Variants in WDPCP observed in about 807,000 individuals in gnomAD.
WDPCP encodes WD repeat containing planar cell polarity effector.
In WDPCP, 71 loss-of-function variants were observed where a neutral mutation model predicts 93.1. The observed-to-expected ratio is 0.76, with a 90% confidence interval of 0.63 to 0.93. The LOEUF (loss-of-function observed/expected upper bound fraction) is 0.93, where lower values mean the gene tolerates loss of function less well. Ranked by LOEUF, WDPCP falls within the 40% of genes least tolerant of loss-of-function variation. The pLI is 0.00. For synonymous variants in WDPCP, 315 were observed against 315.0 expected, an observed-to-expected ratio of 1.00 and a Z score of 0.00; for missense variants, 844 against 887.4, an observed-to-expected ratio of 0.95 and a Z score of 0.62.
chr2:63,682,540 A>G (rs1558883119), intron 2 of WDPCP, among the ~76,000 whole-genome samples: 1 of 152,178 alleles, frequency 6.6e-6, no homozygotes, highest in Non-Finnish European at 1.5e-5. Context: ...TACAGGATCT[A>G]GTAAATAGTC....
intron 2 of WDPCP, among the ~76,000 whole-genome samples, chr2:63,718,069 AC>A (rs1558893216): frequency 6.6e-6 from 1 of 152,108 alleles, no homozygotes; most frequent in Non-Finnish European, 1.5e-5. Context: ...AAAACATTAA[AC>A]AATGAATAGT....
At chr2:63,699,737 A>G (rs536925791) in intron 2 of WDPCP, among the ~76,000 whole-genome samples, 1 of 152,340 alleles carries the variant, frequency 6.6e-6, no homozygotes, top group South Asian at 2.1e-4. Context: ...GGGAAAAGAA[A>G]TATTGAATCT....
intron 12 of WDPCP, among the ~76,000 whole-genome samples, chr2:63,334,239 C>A (rs1011263460): frequency 2.0e-5 from 3 of 152,048 alleles, no homozygotes; most frequent in Admixed American, 2.0e-4. Flanking sequence ...CCTTGTGAAC[C>A]CTGAATATCT....
chr2:63,323,297 C>G (rs1472431407), intron 12 of WDPCP, among the ~76,000 whole-genome samples: 1 of 152,176 alleles, frequency 6.6e-6, no homozygotes, highest in African/African-American at 2.4e-5. Context: ...GTCTCTGGTG[C>G]TTTTCTAGTT....
intron 14 of WDPCP, among the ~76,000 whole-genome samples, chr2:63,238,744 A>G (rs1679618492): frequency 6.6e-6 from 1 of 152,160 alleles, no homozygotes; most frequent in South Asian, 2.1e-4. Context: ...AAAGTAAAAA[A>G]TTTCAGTTCT....
At chr2:63,763,814 T>A (rs1351207015) in intron 2 of WDPCP, among the ~76,000 whole-genome samples, 1 of 152,114 alleles carries the variant, frequency 6.6e-6, no homozygotes, top group East Asian at 1.9e-4. Flanking sequence ...AAAAATAGAA[T>A]CTTTAAGTGG....
Position 63,417,190 on chromosome 2 carries a change from A to G in WDPCP, c.826-12533T>C, listed in dbSNP as rs1360859514. Among the ~76,000 whole-genome samples, 3 of 152,226 alleles carry G rather than the reference A, an allele frequency of 2.0e-5. No homozygotes were observed. The East Asian group carries it at 5.8e-4, about 29-fold the overall frequency. ...GAAGAGCAGAATGAAACAAAAAAAG[A>G]ATGAAAAACACAGACACTAAATAAA... is the stretch of plus-strand genomic sequence containing the variant. On this transcript the variant is annotated intron_variant, in intron 9 of 17. Transcript: ENST00000272321.
In WDPCP at chr2:63,439,999, A is replaced by C. The variant is rs186419363; in HGVS notation, c.385-128T>G. The C allele has an allele frequency of 3.2e-4, 214 of 678,038 alleles. No homozygotes were observed. The East Asian group carries it at 5.3e-3, about 17-fold the overall frequency. 42.0% of individuals were successfully genotyped at this position (678,038 alleles called of 1,614,324 possible). On this transcript the variant is annotated intron_variant, in intron 6 of 17. Coordinates refer to ENST00000272321, the MANE Select transcript of WDPCP (RefSeq NM_015910.7). ...CATGCATCTACACTACAAAATTATA[A>C]AGATTTTCTTCACTGAAAAACAATT...
At chr2:63,403,384 C>A (rs988336963) in intron 10 of WDPCP, among the ~76,000 whole-genome samples, 12 of 151,780 alleles carry the variant, frequency 7.9e-5, no homozygotes, top group Non-Finnish European at 2.9e-5. Context: ...ACACGTTTAC[C>A]TATATAACAA....
At chr2:63,705,558 A>C (rs1045421400) in intron 2 of WDPCP, among the ~76,000 whole-genome samples, 1 of 152,228 alleles carries the variant, frequency 6.6e-6, no homozygotes, top group Non-Finnish European at 1.5e-5. Context: ...GTTATGTACC[A>C]AGTAGTCATT....
At chr2:63,377,707 C>G (rs1215379979) in intron 12 of WDPCP, 1 of 151,394 alleles carries the variant, frequency 6.6e-6, no homozygotes, top group Admixed American at 6.6e-5. Context: ...ACTTATAGTA[C>G]TGCCACATTT....
At chr2:63,824,255 T>C (rs1020993029) in intron 1 of WDPCP, among the ~76,000 whole-genome samples, 1 of 152,118 alleles carries the variant, frequency 6.6e-6, no homozygotes, top group East Asian at 1.9e-4. Context: ...TCTACCATGA[T>C]TTTAAGTTTC....
At chr2:63,427,244 A>G (rs1484233355) in intron 9 of WDPCP, among the ~76,000 whole-genome samples, 2 of 152,214 alleles carry the variant, frequency 1.3e-5, no homozygotes, top group Non-Finnish European at 2.9e-5. Flanking sequence ...GACCTGATAG[A>G]CATATAAGAG....
chr2:63,759,512 A>G (rs1670021464), intron 2 of WDPCP, among the ~76,000 whole-genome samples: 1 of 152,238 alleles, frequency 6.6e-6, no homozygotes, highest in East Asian at 1.9e-4. Context: ...GGAAACATGT[A>G]TTGTTACAGG....
At chr2:63,418,303 G>A (rs1369216739) in intron 9 of WDPCP, among the ~76,000 whole-genome samples, 1 of 152,052 alleles carries the variant, frequency 6.6e-6, no homozygotes, top group Non-Finnish European at 1.5e-5. Context: ...ATGATGCTAA[G>A]AAAAAAGAAC....
chr2:63,394,221 A>G (rs535846351), intron 10 of WDPCP, among the ~76,000 whole-genome samples: 1 of 152,292 alleles, frequency 6.6e-6, no homozygotes, highest in Admixed American at 6.5e-5. Flanking sequence ...CCCATTAACA[A>G]TTGGGAAAGA....
intron 14 of WDPCP, among the ~76,000 whole-genome samples, chr2:63,220,388 T>C (rs767013175): frequency 1.3e-5 from 2 of 152,178 alleles, no homozygotes; most frequent in Non-Finnish European, 2.9e-5. Flanking sequence ...TATTAGGTGG[T>C]TGGTTACATC....
intron 2 of WDPCP, among the ~76,000 whole-genome samples, chr2:63,731,735 G>T (rs1233777926): frequency 6.6e-6 from 1 of 152,186 alleles, no homozygotes; most frequent in Non-Finnish European, 1.5e-5. Context: ...AGGGAAGGTA[G>T]CAAATATGAA....
chr2:63,187,138 T>C (rs1319779808), intron 14 of WDPCP, among the ~76,000 whole-genome samples: 1 of 152,158 alleles, frequency 6.6e-6, no homozygotes, highest in East Asian at 1.9e-4. Context: ...CTTGTGACAG[T>C]TTTTGACTTA....
Sources: allele counts gnomAD v4.1 joint callset (sites outside exome capture counted in the v4.1 genomes callset), GRCh38; gene constraint gnomAD v4.1.1; transcripts MANE v1.5; gene names NCBI Gene and HGNC (gene_info 2026-07-23, HGNC 2026-07-21).